The following GIGYF2 variants were observed in gnomAD, a reference collection of about 807,000 sequenced individuals.
GIGYF2 encodes the protein GRB10-interacting GYF protein 2.
A neutral mutation model predicts 208.1 loss-of-function variants in GIGYF2; 25 were observed. The ratio of observed to expected loss-of-function variants is 0.12; its 90% CI spans 0.09 to 0.17. The LOEUF (loss-of-function observed/expected upper bound fraction) is 0.17, where lower values mean the gene tolerates loss of function less well. GIGYF2 is among the 10% of genes least tolerant of loss of function. The pLI is 1.00. For synonymous variants in GIGYF2, 534 were observed against 543.8 expected, an observed-to-expected ratio of 0.98 and a Z score of 0.25; for missense variants, 1,302 against 1,579.4, an observed-to-expected ratio of 0.82 and a Z score of 2.98.
intron 8 of GIGYF2, among the ~76,000 whole-genome samples, chr2:232,783,377 GTTTA>G (rs892893957): frequency 7.9e-5 from 12 of 152,002 alleles, no homozygotes; most frequent in African/African-American, 1.2e-4. Flanking sequence ...TTCTTATTTT[GTTTA>G]TTTATTTTTT....
At chr2:232,842,926 C>T (rs2106422343) in intron 23 of GIGYF2, 1 of 152,302 alleles carries the variant, frequency 6.6e-6, no homozygotes, top group African/African-American at 2.4e-5. Flanking sequence ...AGTCTTACTG[C>T]TTCTTTTTAC....
rs771445792 is a variant in GIGYF2 at position 232,791,070 on chromosome 2, G to A, written c.993G>A (p.Gly331=). The change falls in exon 11 of 29, where the codon GGG becomes GGA. Residue 331 remains glycine, a synonymous_variant. Coordinates refer to ENST00000373563, the MANE Select transcript of GIGYF2 (RefSeq NM_001103146.3). The stretch of plus-strand genomic sequence containing the variant: ...TGGACTTCCGGCCTGTGGACGAAGG[G>A]GAGGAGTGCTCTGACTCTGAGGGTA... ...QEMDFRPVDE[G]EECSDSEGSH... is the part of the protein sequence containing the mutation. 29 of 1,613,976 alleles carry A rather than the reference G, an allele frequency of 1.8e-5. No homozygotes were observed. Among genetic ancestry groups the A allele is most frequent in the Non-Finnish European group, 2.2e-5 (26 of 1,179,908 alleles).
chr2:232,833,303 A>G (rs1444974150), intron 22 of GIGYF2, among the ~76,000 whole-genome samples: 2 of 152,052 alleles, frequency 1.3e-5, no homozygotes, highest in Non-Finnish European at 2.9e-5. Context: ...TGTAACCTCA[A>G]CTTCCTTGGG....
intron 8 of GIGYF2, among the ~76,000 whole-genome samples, chr2:232,776,254 C>G (rs1376804980): frequency 1.3e-5 from 2 of 152,022 alleles, no homozygotes; most frequent in African/African-American, 4.8e-5. Flanking sequence ...GTAATACATT[C>G]AATATGGCTG....
At chr2:232,779,491 T>C (rs1044452024) in intron 8 of GIGYF2, among the ~76,000 whole-genome samples, 1 of 152,228 alleles carries the variant, frequency 6.6e-6, no homozygotes, top group African/African-American at 2.4e-5. Flanking sequence ...CTCACAGCTT[T>C]AAAACGTTAG....
chr2:232,822,411 A>G lies in GIGYF2; in HGVS notation c.2529+2426A>G, dbSNP rs541611876. ...GTTTATTTTCCAGCAGGCTGGGTGCAGTGGCTCATGCCTGTAATCTCAGCA... is the reference window on the plus strand; with the variant it reads ...GTTTATTTTCCAGCAGGCTGGGTGCGGTGGCTCATGCCTGTAATCTCAGCA... On this transcript the variant is annotated intron_variant, in intron 21 of 28. Coordinates refer to ENST00000373563, the MANE Select transcript of GIGYF2 (RefSeq NM_001103146.3). Among the ~76,000 whole-genome samples the G allele has an allele frequency of 1.3e-3, 193 of 152,312 alleles. 5 individuals carry two copies. In the South Asian group the frequency reaches 0.019, roughly 15 times the overall value.
At chr2:232,805,243 G>T (rs994009622) in intron 14 of GIGYF2, among the ~76,000 whole-genome samples, 2 of 152,194 alleles carry the variant, frequency 1.3e-5, no homozygotes, top group East Asian at 3.9e-4. Flanking sequence ...TTGGTTGATG[G>T]TTTTGTTGAA....
intron 8 of GIGYF2, chr2:232,782,714 A>G (rs1267459845): frequency 6.6e-6 from 1 of 152,248 alleles, no homozygotes; most frequent in Non-Finnish European, 1.5e-5. Context: ...TACAGAGATT[A>G]GCATGGCCCC....
At chr2:232,845,189 A>G (rs1701959566) in intron 25 of GIGYF2, among the ~76,000 whole-genome samples, 1 of 152,242 alleles carries the variant, frequency 6.6e-6, no homozygotes, top group Admixed American at 6.5e-5. Flanking sequence ...AACTTTATGC[A>G]TGTAATTGTA....
Position 232,733,634 on chromosome 2 carries a change from A to G in GIGYF2, c.-43-1521A>G, listed in dbSNP as rs575847318. Among the ~76,000 whole-genome samples the G allele has an allele frequency of 9.8e-5, 15 of 152,314 alleles. 1 individual carries two copies. In the South Asian group the frequency reaches 2.3e-3, roughly 23 times the overall value. On this transcript the variant is annotated intron_variant, in intron 2 of 28. Coordinates refer to ENST00000373563, the MANE Select transcript of GIGYF2 (RefSeq NM_001103146.3). ...ATTTTACAGTATACAGTTGTCCCTC[A>G]GTATCCATGGGGATTCATTCTAGGA...
chr2:232,797,018 G>A (rs1041307433), intron 14 of GIGYF2, among the ~76,000 whole-genome samples: 19 of 151,366 alleles, frequency 1.3e-4, no homozygotes, highest in African/African-American at 4.4e-4. Flanking sequence ...ACTCACCTCT[G>A]TGTTTCCGTT....
At chr2:232,737,889 A>AAT (rs1454005301) in intron 3 of GIGYF2, among the ~76,000 whole-genome samples, 1 of 147,526 alleles carries the variant, frequency 6.8e-6, no homozygotes, top group Non-Finnish European at 1.5e-5. Context: ...ACAGACCATG[A>AAT]GTGGCTGTAA....
At chr2:232,730,815 G>A (rs554555296) in intron 2 of GIGYF2, among the ~76,000 whole-genome samples, 1 of 134,146 alleles carries the variant, frequency 7.5e-6, no homozygotes, top group Admixed American at 7.7e-5. Flanking sequence ...GGAGAATGGC[G>A]TGAACCCGGG....
intron 3 of GIGYF2, 137 bp downstream of exon 3, chr2:232,735,375 T>A: frequency 1.4e-6 from 1 of 690,386 alleles, no homozygotes; most frequent in East Asian, 2.7e-5. Flanking sequence ...AAACAATGTG[T>A]TAGTTCAGGA....
At chr2:232,734,622 T>C (rs1317087816) in intron 2 of GIGYF2, 1 of 153,978 alleles carries the variant, frequency 6.5e-6, no homozygotes, top group Non-Finnish European at 1.4e-5. Context: ...AGCAACATAG[T>C]GATACACACT....
intron 6 of GIGYF2, among the ~76,000 whole-genome samples, chr2:232,758,607 A>G (rs529709042): frequency 6.6e-6 from 1 of 152,364 alleles, no homozygotes; most frequent in Non-Finnish European, 1.5e-5. Context: ...TGATCGTTGT[A>G]GTATGTCCCA....
chr2:232,813,323 G>A (rs1700796182), intron 18 of GIGYF2, among the ~76,000 whole-genome samples: 1 of 150,470 alleles, frequency 6.6e-6, no homozygotes, highest in Non-Finnish European at 1.5e-5. Context: ...CTAAGTAGCT[G>A]GGATTAATTA....
intron 22 of GIGYF2, among the ~76,000 whole-genome samples, chr2:232,836,325 T>A (rs867069803): frequency 0.13 from 2,595 of 19,974 alleles, 283 homozygotes; most frequent in Admixed American, 0.19. Context: ...TATATATATA[T>A]ATATACATAT....
At chr2:232,773,661 T>C (rs1465734363) in intron 8 of GIGYF2, among the ~76,000 whole-genome samples, 1 of 152,096 alleles carries the variant, frequency 6.6e-6, no homozygotes, top group African/African-American at 2.4e-5. Flanking sequence ...CTTTAGATAG[T>C]AATGATTAAT....
Sources: gnomAD v4.1 joint callset for allele counts (sites outside exome capture counted in the v4.1 genomes callset) on GRCh38, gnomAD v4.1.1 for gene constraint, MANE v1.5 for transcripts, NCBI Gene and HGNC (gene_info 2026-07-23, HGNC 2026-07-21) for gene names.